FBXL7: variants seen among roughly 807,000 people sequenced by gnomAD.
FBXL7 encodes the protein F-box and leucine rich repeat protein 7, also known as F-box/LRR-repeat protein 7.
FBXL7 carries 12 observed loss-of-function variants against 38.3 expected under a neutral mutation model. That is an observed-to-expected ratio of 0.31 (90% CI 0.20 to 0.51). FBXL7 has a LOEUF of 0.51. Ranked by LOEUF, FBXL7 falls within the 20% of genes least tolerant of loss-of-function variation. The probability of loss-of-function intolerance (pLI) is 0.98; values close to 1 mark genes in which losing one functional copy is unlikely to be tolerated. For missense variants in FBXL7, 567 were observed against 676.4 expected (o/e 0.84, Z 1.79); for synonymous variants, 297 against 300.9 (o/e 0.99, Z 0.13).
At chr5:15,780,278 G>A (rs926695953) in intron 2 of FBXL7, among the ~76,000 whole-genome samples, 4 of 152,038 alleles carry the variant, frequency 2.6e-5, no homozygotes, top group Non-Finnish European at 5.9e-5. Context: ...TGAACTGAAG[G>A]AAACCATATT....
At chr5:15,559,758 T>G (rs1479420087) in intron 1 of FBXL7, among the ~76,000 whole-genome samples, 1 of 152,224 alleles carries the variant, frequency 6.6e-6, no homozygotes, top group Non-Finnish European at 1.5e-5. Context: ...TGTAATTGCT[T>G]TGGCAATAAA....
intron 1 of FBXL7, among the ~76,000 whole-genome samples, chr5:15,513,464 G>A (rs79202525): frequency 6.6e-6 from 1 of 152,356 alleles, no homozygotes; most frequent in East Asian, 1.9e-4. Flanking sequence ...GGAACTTGAG[G>A]TGAAGGCAAC....
In FBXL7 at chr5:15,500,437, G is replaced by C. The variant is rs1384434895; in HGVS notation, c.-240G>C. 7.9e-6 allele frequency: 4 copies of C among 508,310 alleles called. No homozygotes were observed. The highest frequency in any genetic ancestry group is 1.4e-5 in the Non-Finnish European group (4 of 291,588). The allele number at this position is 508,310 out of a possible 1,614,324, so 31.5% of individuals were successfully genotyped here. On this transcript the variant is annotated 5_prime_UTR_variant, in exon 1 of 4. Transcript: ENST00000504595. ...GCTGCGCCCGCCGGCCCCCAGCGCG[G>C]ATTGTAAGTGCTGCAGCTGTGCCCG... is the stretch of plus-strand genomic sequence containing the variant.
chr5:15,501,656 T>A (rs969140294), intron 1 of FBXL7: 1 of 985,376 alleles, frequency 1.0e-6, no homozygotes, highest in Admixed American at 6.1e-5. Flanking sequence ...GCAGGCTAGC[T>A]ATTCAGCCTG....
chr5:15,566,761 C>T (rs1738585794), intron 1 of FBXL7, among the ~76,000 whole-genome samples: 1 of 152,130 alleles, frequency 6.6e-6, no homozygotes, highest in African/African-American at 2.4e-5. Context: ...GACTTCTTAA[C>T]CTGAGTTGTG....
intron 1 of FBXL7, among the ~76,000 whole-genome samples, chr5:15,586,065 C>T (rs1031887398): frequency 1.3e-5 from 2 of 152,164 alleles, no homozygotes; most frequent in African/African-American, 4.8e-5. Flanking sequence ...CATTGCAAAG[C>T]TCATTTTTCC....
At chr5:15,526,277 G>A (rs1737249343) in intron 1 of FBXL7, among the ~76,000 whole-genome samples, 1 of 152,066 alleles carries the variant, frequency 6.6e-6, no homozygotes, top group Admixed American at 6.5e-5. Context: ...TTGGTGGGCT[G>A]GCACAGTGAT....
intron 1 of FBXL7, among the ~76,000 whole-genome samples, chr5:15,505,358 G>C (rs1232866861): frequency 2.6e-5 from 4 of 152,070 alleles, no homozygotes; most frequent in Non-Finnish European, 5.9e-5. Flanking sequence ...AGGCTGAATG[G>C]GGACCCGGGG....
intron 2 of FBXL7, among the ~76,000 whole-genome samples, chr5:15,885,408 A>G (rs1463725408): frequency 6.6e-6 from 1 of 152,214 alleles, no homozygotes; most frequent in Non-Finnish European, 1.5e-5. Flanking sequence ...TTCATTTATT[A>G]GAGACACACC....
chr5:15,822,437 T>C (rs1738196028), intron 2 of FBXL7, among the ~76,000 whole-genome samples: 1 of 152,132 alleles, frequency 6.6e-6, no homozygotes, highest in Non-Finnish European at 1.5e-5. Context: ...AACAGGCTGC[T>C]TTCCAGGGCA....
At chr5:15,742,406 G>A (rs1735915130) in intron 2 of FBXL7, among the ~76,000 whole-genome samples, 1 of 152,160 alleles carries the variant, frequency 6.6e-6, no homozygotes, top group Non-Finnish European at 1.5e-5. Flanking sequence ...ACAGGTGTTT[G>A]GAAAGGCAGC....
At chr5:15,697,831 T>C (rs1371684041) in intron 2 of FBXL7, among the ~76,000 whole-genome samples, 3 of 152,226 alleles carry the variant, frequency 2.0e-5, no homozygotes, top group Non-Finnish European at 2.9e-5. Context: ...TTAATGCCAA[T>C]GCTATTTTGA....
intron 2 of FBXL7, among the ~76,000 whole-genome samples, chr5:15,679,837 A>G (rs750120343): frequency 1.3e-5 from 2 of 152,168 alleles, no homozygotes; most frequent in Non-Finnish European, 2.9e-5. Flanking sequence ...ACATCTAACA[A>G]TTCAGCCATG....
intron 1 of FBXL7, among the ~76,000 whole-genome samples, chr5:15,565,307 A>G (rs1580373921): frequency 6.6e-6 from 1 of 152,202 alleles, no homozygotes; most frequent in Middle Eastern, 3.4e-3. Flanking sequence ...AAATACTCAA[A>G]TGAACGGAAA....
In FBXL7 at chr5:15,923,608, A is replaced by G. The variant is rs762333866; in HGVS notation, c.128-4282A>G. Among the ~76,000 whole-genome samples the G allele has an allele frequency of 9.2e-5, 14 of 152,190 alleles. No individual in the cohort carries two copies. The South Asian group carries it at 2.1e-3, about 22-fold the overall frequency. On this transcript the variant is annotated intron_variant, in intron 2 of 3. Transcript: ENST00000504595. Reference sequence around the variant, plus strand: ...ATTTTGTGACAACTTCTAGGTATGCATCTCTGTACTTTTTACTTGTCATGC... The same window carrying G: ...ATTTTGTGACAACTTCTAGGTATGCGTCTCTGTACTTTTTACTTGTCATGC...
At chr5:15,891,439 C>A (rs1740897327) in intron 2 of FBXL7, among the ~76,000 whole-genome samples, 1 of 152,196 alleles carries the variant, frequency 6.6e-6, no homozygotes, top group Non-Finnish European at 1.5e-5. Flanking sequence ...ATTTTAGAAT[C>A]CATCCACTCA....
At chr5:15,702,350 C>T (rs1360843805) in intron 2 of FBXL7, among the ~76,000 whole-genome samples, 1 of 151,870 alleles carries the variant, frequency 6.6e-6, no homozygotes, top group Non-Finnish European at 1.5e-5. Context: ...TTTTGGTTTG[C>T]AAAGACCCAA....
At chr5:15,828,187 C>G (rs257762) in intron 2 of FBXL7, among the ~76,000 whole-genome samples, 1 of 151,992 alleles carries the variant, frequency 6.6e-6, no homozygotes. Flanking sequence ...AAAAACACAT[C>G]AAACATTTTA....
At chr5:15,641,765 TG>T (rs1741374665) in intron 2 of FBXL7, among the ~76,000 whole-genome samples, 1 of 152,198 alleles carries the variant, frequency 6.6e-6, no homozygotes, top group Non-Finnish European at 1.5e-5. Context: ...GTCTTTGATC[TG>T]GGACATCAGT....
Sources: allele counts gnomAD v4.1 joint callset (sites outside exome capture counted in the v4.1 genomes callset), GRCh38; gene constraint gnomAD v4.1.1; transcripts MANE v1.5; gene names NCBI Gene and HGNC (gene_info 2026-07-23, HGNC 2026-07-21).